Variants in DNAAF9 observed in about 807,000 individuals in gnomAD.
DNAAF9 encodes shulin.
A neutral mutation model predicts 167.0 loss-of-function variants in DNAAF9; 90 were observed. The observed-to-expected ratio is 0.54, with a 90% confidence interval of 0.45 to 0.64. The LOEUF (loss-of-function observed/expected upper bound fraction) is 0.64, where lower values mean the gene tolerates loss of function less well. DNAAF9 is among the 30% of genes least tolerant of loss of function. The probability of loss-of-function intolerance (pLI) is 0.00; values close to 1 mark genes in which losing one functional copy is unlikely to be tolerated. For synonymous variants in DNAAF9, 491 were observed against 508.8 expected (o/e 0.96, Z 0.47); for missense variants, 1,315 against 1,442.2 (o/e 0.91, Z 1.43).
At chr20:3,342,596 C>A (rs982235143) in intron 9 of DNAAF9, among the ~76,000 whole-genome samples, 1 of 152,176 alleles carries the variant, frequency 6.6e-6, no homozygotes. Context: ...CTTTTCACTA[C>A]TCTTAAAAAT....
At chr20:3,361,483 A>T (rs1007846245) in intron 6 of DNAAF9, among the ~76,000 whole-genome samples, 27 of 152,258 alleles carry the variant, frequency 1.8e-4, no homozygotes, top group Middle Eastern at 6.8e-3. Flanking sequence ...GTTGCAGGGA[A>T]AGTGGGAGGT....
In DNAAF9 at chr20:3,252,196, A is replaced by G. The variant is rs1389282942; in HGVS notation, c.*376T>C. ...CGCCTCCCAGACACGGCCACAGTTC[A>G]GGCAGCCAGGGTTCCTTCTAAGTCC... On this transcript the variant is annotated 3_prime_UTR_variant, in exon 37 of 37. Transcript: ENST00000252032. The G allele has an allele frequency of 6.3e-6, 1 of 158,930 alleles. No homozygotes were observed. Among genetic ancestry groups the G allele is most frequent in the Admixed American group, 6.3e-5 (1 of 15,806 alleles). 9.8% of individuals were successfully genotyped at this position (158,930 alleles called of 1,614,324 possible).
intron 1 of DNAAF9, among the ~76,000 whole-genome samples, chr20:3,385,978 G>A (rs1252466769): frequency 1.3e-5 from 2 of 152,152 alleles, no homozygotes; most frequent in Non-Finnish European, 2.9e-5. Context: ...TTTTATAGAT[G>A]TAGAAGAGAT....
intron 1 of DNAAF9, 80 bp downstream of exon 1, chr20:3,407,395 C>T (rs1386291763): frequency 2.6e-6 from 3 of 1,140,070 alleles, no homozygotes; most frequent in Non-Finnish European, 3.3e-6. Context: ...GGACCACGCC[C>T]TGCGGCGGGA....
intron 26 of DNAAF9, among the ~76,000 whole-genome samples, chr20:3,288,703 A>G (rs1450854280): frequency 6.6e-6 from 1 of 152,068 alleles, no homozygotes; most frequent in Non-Finnish European, 1.5e-5. Flanking sequence ...GACTGACTGG[A>G]TATTAAACAC....
intron 26 of DNAAF9, among the ~76,000 whole-genome samples, chr20:3,288,688 G>C (rs371390296): frequency 7.2e-6 from 1 of 139,046 alleles, no homozygotes; most frequent in African/African-American, 2.9e-5. Flanking sequence ...CCTTACCTTG[G>C]GGTAGACTGA....
intron 6 of DNAAF9, among the ~76,000 whole-genome samples, chr20:3,359,843 C>A (rs1045743607): frequency 6.6e-6 from 1 of 152,180 alleles, no homozygotes; most frequent in African/African-American, 2.4e-5. Flanking sequence ...TATACATACA[C>A]ACATGCACAT....
At chr20:3,302,036 G>A (rs887123185) in intron 21 of DNAAF9, among the ~76,000 whole-genome samples, 2 of 152,012 alleles carry the variant, frequency 1.3e-5, no homozygotes, top group African/African-American at 4.8e-5. Flanking sequence ...TCCACCTCCT[G>A]GGTTAATGCA....
chr20:3,367,040 T>G (rs2123198826), intron 6 of DNAAF9, among the ~76,000 whole-genome samples: 1 of 152,392 alleles, frequency 6.6e-6, no homozygotes, highest in South Asian at 2.1e-4. Context: ...TTAGCGTAGC[T>G]ACCTTCATCA....
chr20:3,318,952 G>A (rs947574825), intron 16 of DNAAF9, among the ~76,000 whole-genome samples: 1 of 151,610 alleles, frequency 6.6e-6, no homozygotes, highest in Admixed American at 6.6e-5. Context: ...GCATGGTGGC[G>A]TGTGCCTGTA....
rs779139221 is a variant in DNAAF9, at chr20:3,318,301, C to T, written c.1456G>A (p.Val486Ile). 6.9e-7 allele frequency: 1 copy of T among 1,449,516 alleles called. No individual in the cohort carries two copies. The highest frequency in any genetic ancestry group is 9.6e-7 in the Non-Finnish European group (1 of 1,042,946). The allele number at this position is 1,449,516 out of a possible 1,614,324, so 89.8% of individuals were successfully genotyped here. A position where few individuals can be genotyped will look rare whatever the true frequency, so the allele number is the denominator to read the frequency against. Residue 486 changes from valine to isoleucine, a missense_variant, in exon 17 of 37, where the codon GTT becomes ATT. Physicochemically the swap from Val to Ile is conservative, Grantham distance 29 (BLOSUM62 3). Transcript: ENST00000252032. ...CACATATACTTACCCTTTTCTTTAA[C>T]TAAGATCTGAGAAGTCAAAAATGAT... is the stretch of plus-strand genomic sequence containing the variant. Reference protein sequence around the residue: ...SESFLTSQILVKEKDGTVTTE... With the variant: ...SESFLTSQILIKEKDGTVTTE...
At chr20:3,385,921 T>C (rs2326182) in intron 1 of DNAAF9, among the ~76,000 whole-genome samples, 113,270 of 152,056 alleles carry the variant, frequency 0.74, 42,404 homozygotes, top group African/African-American at 0.82. Flanking sequence ...GATATCAATT[T>C]TCCCTAATGT....
At chr20:3,381,650 TGAAA>T in intron 2 of DNAAF9, 152 bp from the exon 3 acceptor site, 1 of 614,408 alleles carries the variant, frequency 1.6e-6, no homozygotes, top group Non-Finnish European at 2.7e-6. Context: ...ACCAATTCTG[TGAAA>T]GAAACAGGTC....
intron 3 of DNAAF9, among the ~76,000 whole-genome samples, chr20:3,376,671 T>C (rs1455299768): frequency 6.6e-6 from 1 of 152,126 alleles, no homozygotes; most frequent in Non-Finnish European, 1.5e-5. Context: ...GTCCAGAAAG[T>C]CGGGGTCAGG....
chr20:3,404,921 T>G (rs930974420), intron 1 of DNAAF9, among the ~76,000 whole-genome samples: 1 of 152,212 alleles, frequency 6.6e-6, no homozygotes, highest in Non-Finnish European at 1.5e-5. Context: ...TCAACCTACC[T>G]GTCAAGCATA....
chr20:3,271,840 C>T (rs932464440), intron 29 of DNAAF9, among the ~76,000 whole-genome samples: 3 of 151,942 alleles, frequency 2.0e-5, no homozygotes, highest in African/African-American at 7.3e-5. Context: ...AGGCTGGTCT[C>T]GAACTCCCGA....
chr20:3,333,514 TG>T (rs747478820), intron 10 of DNAAF9, among the ~76,000 whole-genome samples: 2 of 152,212 alleles, frequency 1.3e-5, no homozygotes, highest in Non-Finnish European at 2.9e-5. Context: ...AGTTACAGAT[TG>T]GAAATGAGAA....
chr20:3,355,697 A>G (rs1201528700), intron 7 of DNAAF9, among the ~76,000 whole-genome samples: 1 of 152,244 alleles, frequency 6.6e-6, no homozygotes, highest in Non-Finnish European at 1.5e-5. Flanking sequence ...TTACACTAGT[A>G]GATTTCCAGA....
chr20:3,361,748 T>C lies in DNAAF9; in HGVS notation c.613-2155A>G, dbSNP rs183840709. On this transcript the variant is annotated intron_variant, in intron 6 of 36. Transcript: ENST00000252032. The stretch of plus-strand genomic sequence containing the variant: ...TATCATTTACAGTATCTTAACTTCC[T>C]TTGAATGGGAGCTTCCTTTCCAGTA... 9.2e-6 allele frequency: 8 copies of C among 865,356 alleles called. No homozygotes were observed. In the African/African-American group the frequency reaches 1.0e-4, roughly 11 times the overall value. The allele number at this position is 865,356 out of a possible 1,614,324, so 53.6% of individuals were successfully genotyped here.
Sources: gnomAD v4.1 joint callset for allele counts (sites outside exome capture counted in the v4.1 genomes callset) on GRCh38, gnomAD v4.1.1 for gene constraint, MANE v1.5 for transcripts, NCBI Gene and HGNC (gene_info 2026-07-23, HGNC 2026-07-21) for gene names.